The following WDR64 variants were observed in gnomAD, a reference collection of about 807,000 sequenced individuals.
The protein encoded by WDR64 is WD repeat-containing protein 64.
Under a neutral mutation model 139.3 loss-of-function variants are expected in WDR64, and 112 were observed. That is an observed-to-expected ratio of 0.80 (90% CI 0.69 to 0.94). WDR64 has a LOEUF of 0.94. Among genes scored for constraint, WDR64 ranks in the 40% least tolerant of loss-of-function variants. WDR64 has a pLI of 0.00. For missense variants in WDR64, 1,206 were observed against 1,293.1 expected (o/e 0.93, Z 1.03); for synonymous variants, 444 against 437.7 (o/e 1.01, Z -0.18).
chr1:241,730,979 C>A (rs1669055263), intron 10 of WDR64, among the ~76,000 whole-genome samples: 1 of 152,116 alleles, frequency 6.6e-6, no homozygotes, highest in Middle Eastern at 3.2e-3. Flanking sequence ...TCTGGTATAT[C>A]TCTCAAAACT....
At chr1:241,699,448 G>A (rs1366906771) in intron 8 of WDR64, among the ~76,000 whole-genome samples, 2 of 152,166 alleles carry the variant, frequency 1.3e-5, no homozygotes, top group East Asian at 3.8e-4. Flanking sequence ...AATAAGACTA[G>A]GTTGTCGACC....
At chr1:241,742,422 G>A (rs959375593) in intron 12 of WDR64, among the ~76,000 whole-genome samples, 2 of 152,148 alleles carry the variant, frequency 1.3e-5, no homozygotes, top group African/African-American at 4.8e-5. Flanking sequence ...AGACCTTGCT[G>A]ATAAAACGAG....
In WDR64 at chr1:241,674,645, T is replaced by C. The variant is rs761406494; in HGVS notation, c.381T>C (p.Gly127=). The C allele has an allele frequency of 1.7e-4, 263 of 1,538,718 alleles. No individual in the cohort carries two copies. Among genetic ancestry groups the C allele is most frequent in the Non-Finnish European group, 2.1e-4 (242 of 1,136,496 alleles). ...AAATGAATATTATGCTGTTGACAGGTAGTAGAAGACGAGATGTGATTAAGA... is the reference window on the plus strand; with the variant it reads ...AAATGAATATTATGCTGTTGACAGGCAGTAGAAGACGAGATGTGATTAAGA... The part of the protein sequence containing the change: ...VSRKRRILIS[G]SRRRDVIKSI... The change falls in exon 4 of 28, where the codon GGT becomes GGC. Residue 127 remains glycine, a splice_region_variant and synonymous_variant. Transcript: ENST00000437684.
rs947588343 is a variant in WDR64, at chr1:241,749,598, C to T, written c.1646C>T (p.Pro549Leu). Residue 549 changes from proline (P) to leucine (L), a missense_variant, in exon 14 of 28, where the codon CCG becomes CTG. Transcript: ENST00000437684. ...AGTGGGCAGGAGATGAAGGTGTTGCCGGAGGGGAAAGACTGGAAGGAGGAC... is the reference window on the plus strand; with the variant it reads ...AGTGGGCAGGAGATGAAGGTGTTGCTGGAGGGGAAAGACTGGAAGGAGGAC... ...FGSGQEMKVL[P>L]EGKDWKEDEH... 3.1e-6 allele frequency: 5 copies of T among 1,613,970 alleles called. No individual in the cohort carries two copies. The African/African-American group carries it at 5.3e-5, about 17-fold the overall frequency.
In WDR64 at chr1:241,661,549, G is replaced by T. The variant is rs1437488392; in HGVS notation, c.276+889G>T. On this transcript the variant is annotated intron_variant, in intron 2 of 27. Coordinates refer to ENST00000437684, the MANE Select transcript of WDR64 (RefSeq NM_001367482.1). The stretch of plus-strand genomic sequence containing the variant: ...GTAGGAAAAGCTGAAAAGCTATCCA[G>T]CTCACTTTATGAAGCTAAAATAACA... Among the ~76,000 whole-genome samples, 8 of 152,124 alleles carry T rather than the reference G, an allele frequency of 5.3e-5. No homozygotes were observed. In the East Asian group the frequency reaches 1.5e-3, roughly 29 times the overall value.
chr1:241,682,899 A>C (rs1161835954), intron 6 of WDR64, among the ~76,000 whole-genome samples: 6 of 152,236 alleles, frequency 3.9e-5, no homozygotes, highest in Non-Finnish European at 7.3e-5. Context: ...GTGCTGCAAT[A>C]GTTCTTGGCA....
intron 4 of WDR64, among the ~76,000 whole-genome samples, chr1:241,675,217 CCCTTCTTCCTTCCTCCCTCCTTCCTCCCT>C (rs1666493483): frequency 1.2e-5 from 1 of 85,664 alleles, no homozygotes; most frequent in African/African-American, 5.3e-5. Context: ...CTTCCTCCCT[CCCTTCTTCCTTCCTCCCTCCTTCCTCCCT>C]CCTTCCTTCC....
chr1:241,716,644 T>A (rs1668413578), intron 9 of WDR64, among the ~76,000 whole-genome samples: 1 of 132,782 alleles, frequency 7.5e-6, no homozygotes, highest in South Asian at 2.5e-4. Flanking sequence ...ATAGCATGAA[T>A]CAACATATGA....
intron 27 of WDR64, among the ~76,000 whole-genome samples, chr1:241,798,773 T>C (rs1454483440): frequency 2.0e-5 from 3 of 152,220 alleles, no homozygotes; most frequent in East Asian, 3.9e-4. Flanking sequence ...TTAGTCTATT[T>C]TGACTTACTA....
chr1:241,666,976 G>A (rs1573989599), intron 2 of WDR64, among the ~76,000 whole-genome samples: 1 of 152,284 alleles, frequency 6.6e-6, no homozygotes, highest in Non-Finnish European at 1.5e-5. Flanking sequence ...ATACTTCCTT[G>A]CATAGGACAT....
rs1482375679 is a variant in WDR64 at position 241,741,560 on chromosome 1, G to C, written c.1366G>C (p.Asp456His). 1.9e-6 allele frequency: 3 copies of C among 1,613,054 alleles called. No homozygotes were observed. The highest frequency in any genetic ancestry group is 2.7e-5 in the African/African-American group (2 of 74,846). ...GTATCCTTTGACTAGGATGATACAA[G>C]ATACAAAACAGGTTCCTCACACTCA... ...DMYPLTRMIQ[D>H]TKQVPHTHER... Residue 456 changes from aspartate (D) to histidine (H), a missense_variant, in exon 12 of 28, where the codon GAT becomes CAT. By Grantham distance (81) the Asp-to-His change is moderately conservative. Coordinates refer to ENST00000437684, the MANE Select transcript of WDR64 (RefSeq NM_001367482.1).
At chr1:241,660,759 C>CTG in intron 2 of WDR64, 99 bp downstream of exon 2, 1 of 1,315,600 alleles carries the variant, frequency 7.6e-7, no homozygotes, top group South Asian at 1.4e-5. Context: ...AGGGGTTGAA[C>CTG]CACAACGTGC....
chr1:241,784,283 G>A (rs1357943282), intron 23 of WDR64, among the ~76,000 whole-genome samples: 1 of 152,152 alleles, frequency 6.6e-6, no homozygotes, highest in Non-Finnish European at 1.5e-5. Context: ...GGTAATGGGT[G>A]GGGAATAGAT....
chr1:241,702,078 A>C (rs2148148245), intron 8 of WDR64, among the ~76,000 whole-genome samples: 1 of 152,352 alleles, frequency 6.6e-6, no homozygotes, highest in African/African-American at 2.4e-5. Flanking sequence ...AAGAAAATAA[A>C]CATCTGCAAT....
At chr1:241,675,735 T>C (rs887200148) in intron 4 of WDR64, among the ~76,000 whole-genome samples, 4 of 152,238 alleles carry the variant, frequency 2.6e-5, no homozygotes, top group African/African-American at 9.7e-5. Context: ...TTTACATCTG[T>C]AGAATGAGGA....
intron 9 of WDR64, among the ~76,000 whole-genome samples, chr1:241,722,020 T>C (rs1192275428): frequency 9.5e-6 from 1 of 105,286 alleles, no homozygotes; most frequent in Non-Finnish European, 2.0e-5. Flanking sequence ...AGTTTTTTCA[T>C]AAAACTGTGT....
intron 14 of WDR64, among the ~76,000 whole-genome samples, chr1:241,751,324 T>C (rs7530797): frequency 0.79 from 119,583 of 151,880 alleles, 47,505 homozygotes; most frequent in African/African-American, 0.86. Context: ...TTTCCCTAAA[T>C]TCCAAACCCC....
chr1:241,765,487 GAC>G (rs1160984943), intron 15 of WDR64, among the ~76,000 whole-genome samples: 1 of 152,184 alleles, frequency 6.6e-6, no homozygotes, highest in African/African-American at 2.4e-5. Flanking sequence ...AAGTCGCAGA[GAC>G]ACAGCAAAAC....
intron 8 of WDR64, among the ~76,000 whole-genome samples, chr1:241,699,718 TC>T (rs1445191320): frequency 3.9e-5 from 6 of 152,140 alleles, no homozygotes; most frequent in Non-Finnish European, 8.8e-5. Flanking sequence ...GAAGTGGTAT[TC>T]ACAAAGATAT....
Sources: gnomAD v4.1 joint callset for allele counts (sites outside exome capture counted in the v4.1 genomes callset) on GRCh38, gnomAD v4.1.1 for gene constraint, MANE v1.5 for transcripts, NCBI Gene and HGNC (gene_info 2026-07-23, HGNC 2026-07-21) for gene names.